PCDHGA6: variants seen among roughly 807,000 people sequenced by gnomAD.
PCDHGA6 encodes the protein protocadherin gamma subfamily A, 6, also known as protocadherin gamma-A6.
A neutral mutation model predicts 60.6 loss-of-function variants in PCDHGA6; 41 were observed. That is an observed-to-expected ratio of 0.68 (90% CI 0.53 to 0.88). The LOEUF (loss-of-function observed/expected upper bound fraction) is 0.88, where lower values mean the gene tolerates loss of function less well. PCDHGA6 is among the 40% of genes least tolerant of loss of function. The pLI is 0.00. For missense variants in PCDHGA6, 1,312 were observed against 1,203.0 expected, an observed-to-expected ratio of 1.09 and a Z score of -1.34; for synonymous variants, 594 against 524.4, an observed-to-expected ratio of 1.13 and a Z score of -1.81.
At chr5:141,463,034 G>A (rs2099051345) in intron 1 of PCDHGA6, among the ~76,000 whole-genome samples, 2 of 152,112 alleles carry the variant, frequency 1.3e-5, no homozygotes, top group African/African-American at 4.8e-5. Flanking sequence ...ATTAATCTGA[G>A]TGTTCAGCAG....
intron 1 of PCDHGA6, chr5:141,419,815 A>T: frequency 6.2e-7 from 1 of 1,613,988 alleles, no homozygotes. Context: ...GAGGACAGCC[A>T]CCCCTTTCAG....
intron 1 of PCDHGA6, chr5:141,423,923 G>C: frequency 8.0e-7 from 1 of 1,254,744 alleles, no homozygotes; most frequent in Non-Finnish European, 1.0e-6. Flanking sequence ...CAACTATGCT[G>C]GTTTGGTTTG....
At chr5:141,398,367 G>C (rs1480641333) in intron 1 of PCDHGA6, 1 of 1,430,476 alleles carries the variant, frequency 7.0e-7, no homozygotes, top group Non-Finnish European at 9.7e-7. Context: ...TGAGCGCAGA[G>C]AGCGGGGAGT....
At chr5:141,505,913 T>C (rs1457583355) in intron 3 of PCDHGA6, among the ~76,000 whole-genome samples, 1 of 152,098 alleles carries the variant, frequency 6.6e-6, no homozygotes, top group African/African-American at 2.4e-5. Context: ...AAGCATAGAG[T>C]TCTGGGCCTG....
chr5:141,420,318 T>C, intron 1 of PCDHGA6: 1 of 1,446,376 alleles, frequency 6.9e-7, no homozygotes, highest in Non-Finnish European at 9.3e-7. Context: ...TATTACAATA[T>C]GCCAATATAT....
In PCDHGA6 at chr5:141,374,063, G is replaced by T; in HGVS notation, c.-21G>T. 1 of 1,496,072 alleles carries T rather than the reference G, an allele frequency of 6.7e-7. No individual in the cohort carries two copies. The highest frequency in any genetic ancestry group is 8.9e-7 in the Non-Finnish European group (1 of 1,124,230). The allele number at this position is 1,496,072 out of a possible 1,614,324, so 92.7% of individuals were successfully genotyped here. ...TGTTCTTCCTCTTCTTAATCCCAGA[G>T]AAGTTCCTAATAAGCCAGTAATGGC... On this transcript the variant is annotated 5_prime_UTR_variant, in exon 1 of 4. Transcript: ENST00000517434.
In PCDHGA6 at chr5:141,486,853, C is replaced by T. The variant is rs1401626024; in HGVS notation, c.2425-7954C>T. The stretch of plus-strand genomic sequence containing the variant: ...GTCTATTTGTGCTGGACCTCAATGA[C>T]AATGCTCCAGCTGTGCTCCGTCCTC... On this transcript the variant is annotated intron_variant, in intron 1 of 3. Coordinates refer to ENST00000517434, the MANE Select transcript of PCDHGA6 (RefSeq NM_018919.3). This position sits in a 1 kb window ranked among gnomAD's most constrained non-coding sequence, Gnocchi z 5.0. 6.2e-7 allele frequency: 1 copy of T among 1,614,244 alleles called. No individual in the cohort carries two copies. The highest frequency in any genetic ancestry group is 2.2e-5 in the East Asian group (1 of 44,886).
rs1467738404 is a variant in PCDHGA6 at position 141,430,698 on chromosome 5, G to A, written c.2424+54191G>A. On this transcript the variant is annotated intron_variant, in intron 1 of 3. Coordinates refer to ENST00000517434, the MANE Select transcript of PCDHGA6 (RefSeq NM_018919.3). The stretch of plus-strand genomic sequence containing the variant: ...CAACTGTCCCATTCTATGGGCGAAG[G>A]AACTGCTCCTGACTTCAGTGGTTAA... 4.1e-6 allele frequency: 6 copies of A among 1,451,686 alleles called. No homozygotes were observed. The South Asian group carries it at 7.8e-5, about 19-fold the overall frequency. The allele number at this position is 1,451,686 out of a possible 1,614,324, so 89.9% of individuals were successfully genotyped here.
Position 141,375,607 on chromosome 5 carries a change from C to T in PCDHGA6, c.1524C>T (p.Asn508=). The change falls in exon 1 of 4, where the codon AAC becomes AAT. Residue 508 remains asparagine, a synonymous_variant. Transcript: ENST00000517434. ...CCCTGTCCTCCTACGTGTCCATCAA[C>T]TCCGACACTGGGATTCTGTACGCCC... The part of the protein sequence containing the change: ...GAPLSSYVSI[N]SDTGILYALR... The T allele has an allele frequency of 6.2e-7, 1 of 1,614,216 alleles. No homozygotes were observed. Among genetic ancestry groups the T allele is most frequent in the East Asian group, 2.2e-5 (1 of 44,870 alleles).
intron 2 of PCDHGA6, among the ~76,000 whole-genome samples, chr5:141,500,359 C>T (rs2099799599): frequency 6.6e-6 from 1 of 152,032 alleles, no homozygotes; most frequent in Non-Finnish European, 1.5e-5. Flanking sequence ...CAGGCGCCCA[C>T]TACCACGCCC....
chr5:141,464,290 A>AC (rs1287070540), intron 1 of PCDHGA6, among the ~76,000 whole-genome samples: 1 of 149,916 alleles, frequency 6.7e-6, no homozygotes, highest in Non-Finnish European at 1.5e-5. Context: ...AAAAAAAAAA[A>AC]CTCCATTGTA....
Position 141,438,021 on chromosome 5 carries a change from G to T in PCDHGA6, c.2425-56786G>T, listed in dbSNP as rs112167613. ...CTCCCAAATAGCTGAGATTACAGGT[G>T]TGAGCCACCATGCCCGACCACTTTG... On this transcript the variant is annotated intron_variant, in intron 1 of 3. Transcript: ENST00000517434. Among the ~76,000 whole-genome samples the T allele has an allele frequency of 1.6e-3, 250 of 152,256 alleles. 2 individuals are homozygous for T. Among genetic ancestry groups the T allele is most frequent in the African/African-American group, 5.3e-3 (221 of 41,544 alleles).
chr5:141,473,254 T>C (rs1203765731), intron 1 of PCDHGA6, among the ~76,000 whole-genome samples: 5 of 152,152 alleles, frequency 3.3e-5, no homozygotes, highest in African/African-American at 4.8e-5. Context: ...ACATATATAG[T>C]CCTTAGTGTA....
chr5:141,389,481 C>T (rs372276550), intron 1 of PCDHGA6: 5 of 1,612,962 alleles, frequency 3.1e-6, no homozygotes, highest in African/African-American at 1.3e-5. Context: ...ACTGCAGGCC[C>T]GCGACCAGGG....
rs1003050993 is a variant in PCDHGA6, at chr5:141,477,637, T to A, written c.2425-17170T>A. ...AAGGAGCTGAAACCGGGCTAGTGGG[T>A]CGCTATTTCACAATAAATCGTGACA... On this transcript the variant is annotated intron_variant, in intron 1 of 3. Transcript: ENST00000517434. This position sits in a 1 kb window ranked among gnomAD's most constrained non-coding sequence, Gnocchi z 4.9. 6.2e-7 allele frequency: 1 copy of A among 1,614,154 alleles called. No individual in the cohort carries two copies. Among genetic ancestry groups the A allele is most frequent in the African/African-American group, 1.3e-5 (1 of 75,040 alleles).
At chr5:141,402,067 A>G (rs2094221639) in intron 1 of PCDHGA6, among the ~76,000 whole-genome samples, 1 of 152,226 alleles carries the variant, frequency 6.6e-6, no homozygotes, top group Non-Finnish European at 1.5e-5. Flanking sequence ...TTAAAAAACT[A>G]AGCATTTTTG....
intron 1 of PCDHGA6, chr5:141,420,034 C>T (rs373590502): frequency 7.8e-5 from 126 of 1,613,970 alleles, no homozygotes; most frequent in Non-Finnish European, 9.3e-5. Context: ...CTGCAGGAGA[C>T]TGCTTTGAGT....
chr5:141,400,254 G>T, intron 1 of PCDHGA6: 1 of 1,613,980 alleles, frequency 6.2e-7, no homozygotes, highest in Non-Finnish European at 8.5e-7. Flanking sequence ...CCGTTGCCTT[G>T]CGCCTGCGAC....
In PCDHGA6 at chr5:141,376,100, G is replaced by C. The variant is rs772318189; in HGVS notation, c.2017G>C (p.Ala673Pro). The change falls in exon 1 of 4, where the codon GCC (alanine) becomes CCC (proline). Residue 673 changes from alanine (A) to proline (P), a missense_variant. Coordinates refer to ENST00000517434, the MANE Select transcript of PCDHGA6 (RefSeq NM_018919.3). Reference sequence around the variant, plus strand: ...GGCCGACAGGATCCCCGACATCCTGGCCGACCTGGGCAGCCTCGAGCCCTC... The same window carrying C: ...GGCCGACAGGATCCCCGACATCCTGCCCGACCTGGGCAGCCTCGAGCCCTC... The part of the protein sequence containing the change: ...AVADRIPDIL[A>P]DLGSLEPSAK... 8.7e-6 allele frequency: 14 copies of C among 1,613,632 alleles called. No homozygotes were observed. The highest frequency in any genetic ancestry group is 1.2e-5 in the Non-Finnish European group (14 of 1,179,940).
Sources: gnomAD v4.1 joint callset for allele counts (sites outside exome capture counted in the v4.1 genomes callset) on GRCh38, gnomAD v4.1.1 for gene constraint, Gnocchi (gnomAD v3.1) non-coding constraint, MANE v1.5 for transcripts, NCBI Gene and HGNC (gene_info 2026-07-23, HGNC 2026-07-21) for gene names.